The following SMURF1 variants were observed in gnomAD, a reference collection of about 807,000 sequenced individuals.
SMURF1 encodes the protein SMAD specific E3 ubiquitin protein ligase 1.
A neutral mutation model predicts 98.0 loss-of-function variants in SMURF1; 44 were observed. That is an observed-to-expected ratio of 0.45 (90% confidence interval 0.35 to 0.58). SMURF1 has a LOEUF of 0.58. Among genes scored for constraint, SMURF1 ranks in the 20% least tolerant of loss-of-function variants. The pLI is 0.00. For missense variants in SMURF1, 687 were observed against 938.4 expected, an observed-to-expected ratio of 0.73 and a Z score of 3.50; for synonymous variants, 396 against 374.9, an observed-to-expected ratio of 1.06 and a Z score of -0.65.
chr7:99,034,493 C>A (rs1000897438), intron 16 of SMURF1, among the ~76,000 whole-genome samples: 2 of 152,146 alleles, frequency 1.3e-5, no homozygotes, highest in African/African-American at 4.8e-5. Context: ...CCACTCACAC[C>A]TCCTGTTTTT....
intron 1 of SMURF1, among the ~76,000 whole-genome samples, chr7:99,093,472 T>C (rs1796858826): frequency 6.6e-6 from 1 of 151,854 alleles, no homozygotes; most frequent in Non-Finnish European, 1.5e-5. Flanking sequence ...TCTCCTGGAA[T>C]TTATCACTAA....
At chr7:99,043,168 G>A (rs1434222267) in intron 11 of SMURF1, among the ~76,000 whole-genome samples, 2 of 152,158 alleles carry the variant, frequency 1.3e-5, no homozygotes, top group African/African-American at 2.4e-5. Context: ...ACCGAGCCAT[G>A]GACAGCGTAA....
chr7:99,060,394 AAAAG>A (rs1380031733), intron 3 of SMURF1, among the ~76,000 whole-genome samples: 2 of 151,156 alleles, frequency 1.3e-5, no homozygotes, highest in African/African-American at 2.4e-5. Context: ...AAAAAAAAAA[AAAAG>A]AAAAAAGAAA....
intron 15 of SMURF1, chr7:99,035,935 C>T (rs955680062): frequency 6.9e-6 from 4 of 579,320 alleles, no homozygotes; most frequent in African/African-American, 5.6e-5. Flanking sequence ...ACCCCAAGGA[C>T]CGCGGTGCAC....
chr7:99,033,392 C>T (rs922963032), intron 16 of SMURF1, among the ~76,000 whole-genome samples: 2 of 152,220 alleles, frequency 1.3e-5, no homozygotes, highest in African/African-American at 4.8e-5. Flanking sequence ...CTCACTGCAA[C>T]ATCTGACTGC....
At chr7:99,068,769 C>A (rs1048360497) in intron 1 of SMURF1, among the ~76,000 whole-genome samples, 11 of 152,124 alleles carry the variant, frequency 7.2e-5, no homozygotes, top group African/African-American at 2.7e-4. Context: ...CCCCATTATT[C>A]CTCATGGTAT....
intron 1 of SMURF1, among the ~76,000 whole-genome samples, chr7:99,115,337 A>C (rs1797414443): frequency 6.6e-6 from 1 of 152,182 alleles, no homozygotes; most frequent in African/African-American, 2.4e-5. Flanking sequence ...TCATGTCTGT[A>C]ATCCCAGCAC....
At chr7:99,081,021 TC>T in intron 1 of SMURF1, 1 of 152,162 alleles carries the variant, frequency 6.6e-6, no homozygotes, top group Non-Finnish European at 1.5e-5. Context: ...GGAAAACAGC[TC>T]CCCCTGACCC....
intron 1 of SMURF1, among the ~76,000 whole-genome samples, chr7:99,141,777 G>A (rs575697603): frequency 4.6e-5 from 7 of 152,218 alleles, no homozygotes; most frequent in Admixed American, 3.9e-4. Flanking sequence ...GGATTTTACC[G>A]ATGACTTTAT....
intron 1 of SMURF1, among the ~76,000 whole-genome samples, chr7:99,129,400 T>C (rs962985102): frequency 2.6e-5 from 4 of 152,158 alleles, no homozygotes; most frequent in Non-Finnish European, 2.9e-5. Context: ...TTTTACGTTA[T>C]GTTATTATTT....
chr7:99,095,825 AAAC>A (rs1796945686), intron 1 of SMURF1, among the ~76,000 whole-genome samples: 1 of 152,232 alleles, frequency 6.6e-6, no homozygotes, highest in Non-Finnish European at 1.5e-5. Flanking sequence ...TCAGTGGCTT[AAAC>A]AACAGAAATG....
At chr7:99,062,827 G>A (rs907470983) in intron 1 of SMURF1, among the ~76,000 whole-genome samples, 3 of 152,102 alleles carry the variant, frequency 2.0e-5, no homozygotes, top group African/African-American at 7.2e-5. Flanking sequence ...CAGCCTGGGT[G>A]ACAGAGCGAG....
chr7:99,098,138 A>G (rs1019871808), intron 1 of SMURF1, among the ~76,000 whole-genome samples: 2 of 152,246 alleles, frequency 1.3e-5, no homozygotes, highest in African/African-American at 4.8e-5. Context: ...TCTACAATAA[A>G]GCTAAATTTG....
Position 99,051,381 on chromosome 7 carries a change from G to A in SMURF1, c.782C>T (p.Thr261Met), listed in dbSNP as rs771428880. The change falls in exon 8 of 18, where the codon ACG (threonine) becomes ATG (methionine). Residue 261 changes from threonine (T) to methionine (M), a missense_variant. Around this residue, in one of 2 missense-constraint regions of SMURF1, gnomAD observed 415 missense variants for 508.4 expected, o/e 0.82. Transcript: ENST00000361368. ...YFLHTQTGVS[T>M]WHDPRIPRDL... ...CCTTGGTATCCTGGGGTCGTGCCAC[G>A]TGCTAACTCCAGTCTGTGTATGCAA... 8 of 1,614,104 alleles carry A rather than the reference G, an allele frequency of 5.0e-6. No individual in the cohort carries two copies. The highest frequency in any genetic ancestry group is 2.2e-5 in the South Asian group (2 of 91,076).
At chr7:99,107,726 A>T (rs912102785) in intron 1 of SMURF1, among the ~76,000 whole-genome samples, 14 of 152,204 alleles carry the variant, frequency 9.2e-5, no homozygotes, top group Non-Finnish European at 1.9e-4. Flanking sequence ...AGCTCCTCCC[A>T]GGCTTCTCGG....
chr7:99,030,770 T>G, intron 17 of SMURF1, 87 bp from the exon 18 acceptor site: 51 of 868,612 alleles, frequency 5.9e-5, no homozygotes, highest in East Asian at 1.4e-4. Flanking sequence ...GAGAAGTATA[T>G]GTGGGAGGGG....
At chr7:99,101,630 A>G (rs1797083995) in intron 1 of SMURF1, among the ~76,000 whole-genome samples, 1 of 152,028 alleles carries the variant, frequency 6.6e-6, no homozygotes, top group Non-Finnish European at 1.5e-5. Flanking sequence ...TTTTAATCTC[A>G]CCCTCAAGGG....
At chr7:99,122,196 C>T (rs1369891439) in intron 1 of SMURF1, among the ~76,000 whole-genome samples, 3 of 151,536 alleles carry the variant, frequency 2.0e-5, no homozygotes, top group African/African-American at 7.3e-5. Context: ...GGCATGGTGG[C>T]GCATGCCTGT....
chr7:99,129,938 C>T (rs533014922), intron 1 of SMURF1, among the ~76,000 whole-genome samples: 37 of 152,270 alleles, frequency 2.4e-4, no homozygotes, highest in Admixed American at 1.6e-3. Flanking sequence ...CAAGAACAGA[C>T]ATTAATTCAA....
Sources: gnomAD v4.1 joint callset for allele counts (sites outside exome capture counted in the v4.1 genomes callset) on GRCh38, gnomAD v4.1.1 for gene constraint, gnomAD v4.1.1 regional missense constraint, MANE v1.5 for transcripts, NCBI Gene and HGNC (gene_info 2026-07-23, HGNC 2026-07-21) for gene names.